ZNF831: variants seen among roughly 807,000 people sequenced by gnomAD.
ZNF831 encodes the protein chromosome 20 open reading frame 174.
A neutral mutation model predicts 95.8 loss-of-function variants in ZNF831; 59 were observed. The observed-to-expected ratio is 0.62, with a 90% CI of 0.50 to 0.77. The LOEUF (loss-of-function observed/expected upper bound fraction) is 0.77. ZNF831 is among the 30% of genes least tolerant of loss of function. The pLI is 0.00. For synonymous variants in ZNF831, 961 were observed against 925.5 expected, an observed-to-expected ratio of 1.04 and a Z score of -0.70; for missense variants, 2,205 against 2,164.0, an observed-to-expected ratio of 1.02 and a Z score of -0.38.
intron 4 of ZNF831, among the ~76,000 whole-genome samples, chr20:59,237,137 C>A (rs1404975875): frequency 6.6e-6 from 1 of 152,158 alleles, no homozygotes; most frequent in Non-Finnish European, 1.5e-5. Flanking sequence ...ATGAACTATA[C>A]CTAATAAGCC....
intron 1 of ZNF831, among the ~76,000 whole-genome samples, chr20:59,144,382 C>T (rs1979773176): frequency 6.6e-6 from 1 of 152,102 alleles, no homozygotes; most frequent in Non-Finnish European, 1.5e-5. Flanking sequence ...GACATGGAAG[C>T]CTTGATCAGT....
intron 2 of ZNF831, among the ~76,000 whole-genome samples, chr20:59,151,131 C>T (rs1458689604): frequency 6.6e-6 from 1 of 152,178 alleles, no homozygotes; most frequent in Non-Finnish European, 1.5e-5. Flanking sequence ...CACATGCACA[C>T]ACTTACTTTC....
In ZNF831 at chr20:59,211,065, A is replaced by AAAAAC. The variant is rs753979009; in HGVS notation, c.4027+4009_4027+4010insAAAAC. ...AAAAAAAAAGAAAAAAAAAAAAAAA[A>AAAAAC]CAAATCCAAGGAGAAAAAAAAATTC... On this transcript the variant is annotated intron_variant, in intron 4 of 5. Transcript: ENST00000371030. Among the ~76,000 whole-genome samples the AAAAAC allele has an allele frequency of 1.9e-4, 15 of 77,578 alleles. 2 individuals are homozygous for AAAAAC. Among genetic ancestry groups the AAAAAC allele is most frequent in the African/African-American group, 1.1e-3 (14 of 12,564 alleles). 50.9% of individuals were successfully genotyped at this position (77,578 alleles called of 152,430 possible). A position where few individuals can be genotyped will look rare whatever the true frequency, so the allele number is the denominator to read the frequency against.
intron 4 of ZNF831, among the ~76,000 whole-genome samples, chr20:59,243,105 A>G (rs1348151591): frequency 6.6e-6 from 1 of 152,240 alleles, no homozygotes; most frequent in Admixed American, 6.5e-5. Flanking sequence ...GCAGGGGATG[A>G]GGGAGACCTC....
At chr20:59,241,588 AAGCC>A (rs1156499131) in intron 4 of ZNF831, among the ~76,000 whole-genome samples, 1 of 152,252 alleles carries the variant, frequency 6.6e-6, no homozygotes, top group Non-Finnish European at 1.5e-5. Context: ...CTTGTAAAAT[AAGCC>A]AGAAAGCGTA....
chr20:59,252,322 T>C (rs1211333000), intron 4 of ZNF831, among the ~76,000 whole-genome samples: 2 of 152,212 alleles, frequency 1.3e-5, no homozygotes, highest in Non-Finnish European at 2.9e-5. Flanking sequence ...ATTTCTCTGA[T>C]CTCATATCAT....
At chr20:59,181,352 GT>G (rs1173226977) in intron 1 of ZNF831, among the ~76,000 whole-genome samples, 1 of 152,192 alleles carries the variant, frequency 6.6e-6, no homozygotes, top group Non-Finnish European at 1.5e-5. Context: ...AGCTTCTGTT[GT>G]TGTGCAGAAG....
intron 4 of ZNF831, among the ~76,000 whole-genome samples, chr20:59,235,051 G>A (rs1281797041): frequency 1.3e-5 from 2 of 151,960 alleles, no homozygotes; most frequent in East Asian, 3.9e-4. Context: ...TCTCAGCCCC[G>A]GCTCTCAGTC....
rs371267853 is a variant in ZNF831, at chr20:59,194,142, C to T, written c.3123C>T (p.Pro1041=). Residue 1041 remains proline, a synonymous_variant, in exon 2 of 6, where the codon CCC becomes CCT. Coordinates refer to ENST00000371030, the MANE Select transcript of ZNF831 (RefSeq NM_178457.3). ...GCAGGCCAGCAGCCAGGGAGTTGCCCATCTCAGCACCAGGGGCTCCCAGGG... is the reference window on the plus strand; with the variant it reads ...GCAGGCCAGCAGCCAGGGAGTTGCCTATCTCAGCACCAGGGGCTCCCAGGG... ...ATSRPAAREL[P]ISAPGAPREA... is the part of the protein sequence containing the mutation. 1.9e-5 allele frequency: 30 copies of T among 1,568,104 alleles called. No homozygotes were observed. Among genetic ancestry groups the T allele is most frequent in the Non-Finnish European group, 2.4e-5 (28 of 1,156,110 alleles).
intron 1 of ZNF831, among the ~76,000 whole-genome samples, chr20:59,184,201 CAGCTTATTTGCT>C (rs1409565448): frequency 6.6e-6 from 1 of 152,176 alleles, no homozygotes; most frequent in African/African-American, 2.4e-5. Context: ...TGTGGCTTGC[CAGCTTATTTGCT>C]AGCTTATTTC....
rs1310188441 is a variant in ZNF831, at chr20:59,207,044, T to G, written c.4015T>G (p.Ser1339Ala). ...KPCRTPGQTS[S>A]EIAGLNLQEE... Reference sequence around the variant, plus strand: ...ATGCAGGACCCCTGGGCAGACCTCTTCAGAAATAGCAGGTAATGCTCTCTT... The same window carrying G: ...ATGCAGGACCCCTGGGCAGACCTCTGCAGAAATAGCAGGTAATGCTCTCTT... Residue 1339 changes from serine to alanine, a missense_variant, in exon 4 of 6, where the codon TCA becomes GCA. By Grantham distance (99) the Ser-to-Ala change is moderately conservative. Coordinates refer to ENST00000371030, the MANE Select transcript of ZNF831 (RefSeq NM_178457.3). The G allele has an allele frequency of 2.5e-6, 4 of 1,613,796 alleles. No individual in the cohort carries two copies. The African/African-American group carries it at 5.3e-5, about 22-fold the overall frequency.
At chr20:59,219,427 G>A (rs1985930811) in intron 4 of ZNF831, among the ~76,000 whole-genome samples, 1 of 152,234 alleles carries the variant, frequency 6.6e-6, no homozygotes, top group African/African-American at 2.4e-5. Context: ...GGCAAGGGGA[G>A]CCGGCACAGA....
chr20:59,172,735 A>G (rs537084610), intron 1 of ZNF831, among the ~76,000 whole-genome samples: 37 of 152,184 alleles, frequency 2.4e-4, no homozygotes, highest in Non-Finnish European at 3.8e-4. Context: ...CAACTAATAC[A>G]CTAAATTGAG....
At chr20:59,138,898 G>A (rs1006941236) in intron 1 of ZNF831, among the ~76,000 whole-genome samples, 2 of 152,126 alleles carry the variant, frequency 1.3e-5, no homozygotes, top group African/African-American at 4.8e-5. Context: ...ATGTTCCCTT[G>A]GATTTTTCCT....
chr20:59,224,790 A>G (rs1206518227), intron 4 of ZNF831, among the ~76,000 whole-genome samples: 11 of 152,272 alleles, frequency 7.2e-5, no homozygotes, highest in Non-Finnish European at 1.6e-4. Flanking sequence ...ACTGAGAACC[A>G]AAGACATGTA....
chr20:59,177,728 G>A (rs548912087), intron 1 of ZNF831, among the ~76,000 whole-genome samples: 2 of 152,164 alleles, frequency 1.3e-5, no homozygotes, highest in Non-Finnish European at 2.9e-5. Context: ...CCACATGGTC[G>A]CTCATCCTCC....
chr20:59,145,205 A>G (rs1979805698), intron 1 of ZNF831, among the ~76,000 whole-genome samples: 2 of 152,164 alleles, frequency 1.3e-5, no homozygotes, highest in African/African-American at 4.8e-5. Context: ...CTTTCCCCAC[A>G]TGTATCCTTT....
At chr20:59,199,500 T>C (rs1409789190) in intron 3 of ZNF831, among the ~76,000 whole-genome samples, 1 of 152,182 alleles carries the variant, frequency 6.6e-6, no homozygotes, top group Non-Finnish European at 1.5e-5. Flanking sequence ...ATTCTTCAGC[T>C]TGATTTTTAA....
chr20:59,241,682 G>A (rs1987345176), intron 4 of ZNF831, among the ~76,000 whole-genome samples: 1 of 152,124 alleles, frequency 6.6e-6, no homozygotes, highest in Non-Finnish European at 1.5e-5. Flanking sequence ...CTTTATCTCA[G>A]TCCTCTTGTC....
Sources: gnomAD v4.1 joint callset for allele counts (sites outside exome capture counted in the v4.1 genomes callset) on GRCh38, gnomAD v4.1.1 for gene constraint, MANE v1.5 for transcripts, NCBI Gene and HGNC (gene_info 2026-07-23, HGNC 2026-07-21) for gene names.